The following NRG3 variants were observed in gnomAD, a reference collection of about 807,000 sequenced individuals.
The protein encoded by NRG3 is pro-neuregulin-3, membrane-bound isoform.
Under a neutral mutation model 66.9 loss-of-function variants are expected in NRG3, and 31 were observed. The ratio of observed to expected loss-of-function variants is 0.46; its 90% CI spans 0.35 to 0.63. The LOEUF (loss-of-function observed/expected upper bound fraction) is 0.63, where lower values mean the gene tolerates loss of function less well. Ranked by LOEUF, NRG3 falls within the 20% of genes least tolerant of loss-of-function variation. The pLI, the probability that NRG3 is intolerant of heterozygous loss-of-function variation, is 0.00. For missense variants in NRG3, 910 were observed against 878.9 expected (o/e 1.04, Z -0.45); for synonymous variants, 393 against 359.4 (o/e 1.09, Z -1.06).
chr10:82,658,517 C>A (rs1591053415), intron 2 of NRG3, among the ~76,000 whole-genome samples: 2 of 151,486 alleles, frequency 1.3e-5, no homozygotes, highest in East Asian at 3.9e-4. Context: ...CACTTCTATT[C>A]AGAATTGTGA....
chr10:82,029,460 A>G (rs773377582), intron 1 of NRG3, among the ~76,000 whole-genome samples: 1 of 152,114 alleles, frequency 6.6e-6, no homozygotes, highest in Non-Finnish European at 1.5e-5. Flanking sequence ...ATCTTGCAAT[A>G]TGATAGTTGA....
intron 3 of NRG3, among the ~76,000 whole-genome samples, chr10:82,834,397 C>T (rs1203290168): frequency 2.0e-5 from 3 of 152,124 alleles, no homozygotes; most frequent in African/African-American, 7.2e-5. Flanking sequence ...TTCAGCCTTG[C>T]TCCCTAGGGG....
chr10:82,206,778 G>C (rs565372809), intron 1 of NRG3, among the ~76,000 whole-genome samples: 1 of 152,068 alleles, frequency 6.6e-6, no homozygotes, highest in African/African-American at 2.4e-5. Flanking sequence ...TTCTTTATCA[G>C]GATATTCCTT....
rs565027973 is a variant in NRG3 at position 82,502,494 on chromosome 10, G to A, written c.953+143626G>A. Among the ~76,000 whole-genome samples the A allele has an allele frequency of 3.3e-5, 5 of 152,276 alleles. No homozygotes were observed. In the South Asian group the frequency reaches 1.0e-3, roughly 32 times the overall value. On this transcript the variant is annotated intron_variant, in intron 2 of 8. Transcript: ENST00000372141. ...CTAAGCACCTAAATAAAGAGCAATTGAAATTTTATTAATTAAATATTAATT... is the reference window on the plus strand; with the variant it reads ...CTAAGCACCTAAATAAAGAGCAATTAAAATTTTATTAATTAAATATTAATT...
At chr10:82,046,879 T>C (rs11517084) in intron 1 of NRG3, among the ~76,000 whole-genome samples, 34,778 of 138,906 alleles carry the variant, frequency 0.25, 4,558 homozygotes, top group Middle Eastern at 0.34. Context: ...ATTTATCGAT[T>C]TGTGTATATT....
chr10:82,388,595 A>G (rs1332620371), intron 2 of NRG3, among the ~76,000 whole-genome samples: 1 of 152,230 alleles, frequency 6.6e-6, no homozygotes, highest in Non-Finnish European at 1.5e-5. Context: ...GTACATTTAT[A>G]ACAAACATCC....
intron 2 of NRG3, among the ~76,000 whole-genome samples, chr10:82,560,720 T>G (rs1434528364): frequency 2.6e-5 from 4 of 151,346 alleles, no homozygotes; most frequent in Non-Finnish European, 5.9e-5. Flanking sequence ...GCTTTAGTAT[T>G]TTGGTTTTTA....
chr10:82,509,289 T>C lies in NRG3; in HGVS notation c.953+150421T>C, dbSNP rs559277340. On this transcript the variant is annotated intron_variant, in intron 2 of 8. Transcript: ENST00000372141. Reference sequence around the variant, plus strand: ...CAGGTTTGTTATGTAGGTAGACTCATGTTGTAGGGGTTTGTTATACAGATT... The same window carrying C: ...CAGGTTTGTTATGTAGGTAGACTCACGTTGTAGGGGTTTGTTATACAGATT... Among the ~76,000 whole-genome samples the C allele has an allele frequency of 1.5e-4, 23 of 152,312 alleles. No individual in the cohort carries two copies. The South Asian group carries it at 4.1e-3, about 27-fold the overall frequency.
chr10:82,545,413 C>T (rs1403084804), intron 2 of NRG3, among the ~76,000 whole-genome samples: 1 of 137,640 alleles, frequency 7.3e-6, no homozygotes, highest in African/African-American at 2.8e-5. Context: ...GAGTCTCTCT[C>T]TGTCGCCCAG....
intron 4 of NRG3, among the ~76,000 whole-genome samples, chr10:82,928,153 T>G (rs1200953370): frequency 6.6e-6 from 1 of 152,138 alleles, no homozygotes; most frequent in Admixed American, 6.6e-5. Flanking sequence ...TGTTGAGGAG[T>G]GTCTGTTCAT....
intron 3 of NRG3, among the ~76,000 whole-genome samples, chr10:82,767,570 C>T (rs1337330017): frequency 6.6e-6 from 1 of 151,672 alleles, no homozygotes; most frequent in South Asian, 2.1e-4. Flanking sequence ...TTTCTGTTTT[C>T]TCATTCTTAA....
chr10:82,505,140 G>A (rs561483500), intron 2 of NRG3, among the ~76,000 whole-genome samples: 6 of 152,250 alleles, frequency 3.9e-5, no homozygotes, highest in South Asian at 4.1e-4. Flanking sequence ...TCCTACCCTC[G>A]TCTTCCCTGA....
chr10:82,308,059 A>G (rs2080838631), intron 1 of NRG3, among the ~76,000 whole-genome samples: 1 of 152,116 alleles, frequency 6.6e-6, no homozygotes, highest in East Asian at 1.9e-4. Flanking sequence ...TATAAATTCT[A>G]CTTAGTTTGA....
At chr10:81,891,328 A>G (rs1842990330) in intron 1 of NRG3, among the ~76,000 whole-genome samples, 1 of 152,220 alleles carries the variant, frequency 6.6e-6, no homozygotes. Context: ...ATTCCTGACC[A>G]TGTACTCTCT....
At chr10:82,905,708 C>A (rs1844669703) in intron 4 of NRG3, among the ~76,000 whole-genome samples, 1 of 152,126 alleles carries the variant, frequency 6.6e-6, no homozygotes. Context: ...CCTCCCATTT[C>A]TTTCTTCCTT....
At chr10:82,689,111 C>T (rs1326704263) in intron 2 of NRG3, among the ~76,000 whole-genome samples, 1 of 152,090 alleles carries the variant, frequency 6.6e-6, no homozygotes, top group Non-Finnish European at 1.5e-5. Flanking sequence ...TGCGAGATGG[C>T]ACCTTATAAA....
chr10:82,977,166 C>T (rs1852344476), intron 7 of NRG3, among the ~76,000 whole-genome samples: 1 of 152,136 alleles, frequency 6.6e-6, no homozygotes, highest in Non-Finnish European at 1.5e-5. Flanking sequence ...GCTTCAGGCC[C>T]CGCAGACCCC....
intron 3 of NRG3, among the ~76,000 whole-genome samples, chr10:82,770,340 A>G (rs1047409250): frequency 2.6e-5 from 4 of 152,170 alleles, no homozygotes; most frequent in African/African-American, 9.6e-5. Flanking sequence ...AGCAGAGTTT[A>G]CAAGACACTA....
At chr10:82,667,994 C>T (rs575623571) in intron 2 of NRG3, among the ~76,000 whole-genome samples, 113 of 152,236 alleles carry the variant, frequency 7.4e-4, no homozygotes, top group Middle Eastern at 3.4e-3. Context: ...TAAATTTATA[C>T]GTCAGTTTCT....
Sources: allele counts gnomAD v4.1 joint callset (sites outside exome capture counted in the v4.1 genomes callset), GRCh38; gene constraint gnomAD v4.1.1; transcripts MANE v1.5; gene names NCBI Gene and HGNC (gene_info 2026-07-23, HGNC 2026-07-21).